Variants in SAMD3 observed in about 807,000 individuals in gnomAD.
SAMD3 encodes sterile alpha motif domain-containing protein 3.
SAMD3 carries 63 observed loss-of-function variants against 58.5 expected under a neutral mutation model. That is an observed-to-expected ratio of 1.08 (90% CI 0.88 to 1.33). The LOEUF (loss-of-function observed/expected upper bound fraction) is 1.33, where lower values mean the gene tolerates loss of function less well. SAMD3 is among the 40% of genes most tolerant of loss of function. The probability of loss-of-function intolerance (pLI) is 0.00; values close to 1 mark genes in which losing one functional copy is unlikely to be tolerated. For missense variants in SAMD3, 604 were observed against 608.4 expected, an observed-to-expected ratio of 0.99 and a Z score of 0.08; for synonymous variants, 220 against 210.3, an observed-to-expected ratio of 1.05 and a Z score of -0.40.
rs1583081421 is a variant in SAMD3 at position 130,308,933 on chromosome 6, C to A, written c.-188+4045G>T. Among the ~76,000 whole-genome samples the A allele has an allele frequency of 6.6e-5, 10 of 152,168 alleles. No individual in the cohort carries two copies. In the South Asian group the frequency reaches 2.1e-3, roughly 32 times the overall value. On this transcript the variant is annotated intron_variant, in intron 2 of 13. Transcript: ENST00000368134. The stretch of plus-strand genomic sequence containing the variant: ...TTCTCTTTAAGACTCATGAAACAGG[C>A]ATAATTATTATCCTTATTTTAATGA...
At chr6:130,238,789 C>T (rs565183334) in intron 2 of SAMD3, among the ~76,000 whole-genome samples, 1 of 152,210 alleles carries the variant, frequency 6.6e-6, no homozygotes, top group South Asian at 2.1e-4. Context: ...GACAGAGTCT[C>T]ACTCTGTCGC....
intron 2 of SAMD3, among the ~76,000 whole-genome samples, chr6:130,271,858 C>T (rs1273841856): frequency 2.0e-5 from 3 of 152,274 alleles, no homozygotes; most frequent in African/African-American, 7.2e-5. Flanking sequence ...GGGGAACTCT[C>T]ATTTATAAAA....
chr6:130,220,955 G>A (rs1796195105), intron 1 of SAMD3, among the ~76,000 whole-genome samples: 2 of 152,016 alleles, frequency 1.3e-5, no homozygotes, highest in Non-Finnish European at 2.9e-5. Context: ...CCGGGTTCAT[G>A]CCATTCTCCT....
intron 5 of SAMD3, among the ~76,000 whole-genome samples, chr6:130,195,182 A>T (rs539787636): frequency 6.6e-6 from 1 of 151,732 alleles, no homozygotes; most frequent in Non-Finnish European, 1.5e-5. Flanking sequence ...CTTCTCCCCA[A>T]CCCAAAGCCT....
At chr6:130,345,221 T>C (rs1423450886) in intron 1 of SAMD3, among the ~76,000 whole-genome samples, 1 of 152,084 alleles carries the variant, frequency 6.6e-6, no homozygotes, top group Non-Finnish European at 1.5e-5. Flanking sequence ...TATTAGATAC[T>C]TGTGTGGAGG....
intron 2 of SAMD3, among the ~76,000 whole-genome samples, chr6:130,295,939 T>A (rs1328493673): frequency 6.6e-6 from 1 of 152,142 alleles, no homozygotes; most frequent in African/African-American, 2.4e-5. Context: ...GACTGCAATA[T>A]GGGAAACAAA....
intron 2 of SAMD3, among the ~76,000 whole-genome samples, chr6:130,301,695 A>G (rs138824497): frequency 2.3e-3 from 348 of 152,322 alleles, no homozygotes; most frequent in Middle Eastern, 0.017. Flanking sequence ...CCATATGGCT[A>G]TGGTAACCAA....
intron 2 of SAMD3, among the ~76,000 whole-genome samples, chr6:130,295,400 C>G (rs1248191824): frequency 1.3e-5 from 2 of 152,126 alleles, no homozygotes; most frequent in Non-Finnish European, 2.9e-5. Flanking sequence ...TTCTTTTTGT[C>G]TATCTGCAAC....
At chr6:130,196,106 G>A (rs551605034) in intron 5 of SAMD3, among the ~76,000 whole-genome samples, 7 of 152,056 alleles carry the variant, frequency 4.6e-5, no homozygotes, top group African/African-American at 1.2e-4. Context: ...GACTGGGATC[G>A]CGTCCTGTAG....
At chr6:130,318,013 G>A (rs62431436) in intron 1 of SAMD3, among the ~76,000 whole-genome samples, 19,586 of 152,228 alleles carry the variant, frequency 0.13, 1,674 homozygotes, top group East Asian at 0.36. Context: ...ACGCAGACCT[G>A]TAGGGAGTCT....
chr6:130,316,181 C>T (rs932912329), intron 1 of SAMD3, among the ~76,000 whole-genome samples: 1 of 151,412 alleles, frequency 6.6e-6, no homozygotes, highest in Non-Finnish European at 1.5e-5. Context: ...ACCCCAGCTA[C>T]TCGCGAGGCT....
At chr6:130,318,762 A>G (rs749117089) in intron 1 of SAMD3, among the ~76,000 whole-genome samples, 1 of 152,202 alleles carries the variant, frequency 6.6e-6, no homozygotes, top group Non-Finnish European at 1.5e-5. Flanking sequence ...ATGGAAAGAC[A>G]CAGGAAAACA....
chr6:130,313,643 C>A (rs1286748921), intron 1 of SAMD3, among the ~76,000 whole-genome samples: 1 of 152,186 alleles, frequency 6.6e-6, no homozygotes, highest in African/African-American at 2.4e-5. Flanking sequence ...AGCTGTAAAT[C>A]TCTCCAAAGG....
intron 1 of SAMD3, among the ~76,000 whole-genome samples, chr6:130,362,396 A>G (rs1036936991): frequency 6.6e-6 from 1 of 152,230 alleles, no homozygotes; most frequent in African/African-American, 2.4e-5. Flanking sequence ...ACAGTGGAAC[A>G]GGTGGGCCAC....
chr6:130,174,552 C>T (rs1156984549), intron 8 of SAMD3, among the ~76,000 whole-genome samples: 1 of 152,172 alleles, frequency 6.6e-6, no homozygotes, highest in East Asian at 1.9e-4. Flanking sequence ...GCAGAAATTA[C>T]CCACCTTCTG....
At position 130,232,244 on chromosome 6, in the gene SAMD3, C is replaced by T. The variant is rs147075573; in HGVS notation, c.-187-9431G>A. On this transcript the variant is annotated intron_variant, in intron 2 of 13. Coordinates refer to the SAMD3 transcript ENST00000368134. ...ATAGGCTGGAAATGGAACAGTCTTACAATAGACTGATTGGTGTTTAAAAGA... is the reference window on the plus strand; with the variant it reads ...ATAGGCTGGAAATGGAACAGTCTTATAATAGACTGATTGGTGTTTAAAAGA... Among the ~76,000 whole-genome samples the T allele has an allele frequency of 2.8e-4, 43 of 152,200 alleles. No individual in the cohort carries two copies. In the East Asian group the frequency reaches 8.1e-3, roughly 29 times the overall value.
chr6:130,330,347 T>C (rs1776889792), intron 1 of SAMD3, among the ~76,000 whole-genome samples: 1 of 152,234 alleles, frequency 6.6e-6, no homozygotes, highest in Non-Finnish European at 1.5e-5. Flanking sequence ...TATTTTGTGA[T>C]ATAAACTTTC....
intron 1 of SAMD3, among the ~76,000 whole-genome samples, chr6:130,335,058 T>A (rs144551898): frequency 9.1e-4 from 139 of 152,344 alleles, no homozygotes; most frequent in African/African-American, 3.2e-3. Flanking sequence ...GGCCAAGACC[T>A]GACAGCAGCA....
intron 2 of SAMD3, among the ~76,000 whole-genome samples, chr6:130,249,079 AAT>A (rs1773652527): frequency 6.6e-6 from 1 of 152,280 alleles, no homozygotes; most frequent in South Asian, 2.1e-4. Flanking sequence ...AAAACTTGGT[AAT>A]ACAGCTTAGG....
Sources: gnomAD v4.1 joint callset for allele counts (sites outside exome capture counted in the v4.1 genomes callset) on GRCh38, gnomAD v4.1.1 for gene constraint, MANE v1.5 for transcripts, NCBI Gene and HGNC (gene_info 2026-07-23, HGNC 2026-07-21) for gene names.